HELZ2: variants seen among roughly 807,000 people sequenced by gnomAD.
The protein encoded by HELZ2 is 3'-5' exoribonuclease HELZ2.
In HELZ2, 143 loss-of-function variants were observed where a neutral mutation model predicts 208.8. That is an observed-to-expected ratio of 0.68 (90% confidence interval 0.60 to 0.79). The LOEUF (loss-of-function observed/expected upper bound fraction) is 0.79, where lower values mean the gene tolerates loss of function less well. HELZ2 is among the 30% of genes least tolerant of loss of function. The probability of loss-of-function intolerance (pLI) is 0.00; values close to 1 mark genes in which losing one functional copy is unlikely to be tolerated. For missense variants in HELZ2, 3,690 were observed against 3,794.5 expected, an observed-to-expected ratio of 0.97 and a Z score of 0.72; for synonymous variants, 1,705 against 1,693.7, an observed-to-expected ratio of 1.01 and a Z score of -0.16.
chr20:63,565,420 G>T (rs754907014), exon 8 of HELZ2: 1 of 1,611,020 alleles, frequency 6.2e-7, no homozygotes, highest in East Asian at 2.2e-5. Flanking sequence ...TCTCTGGCAC[G>T]AAAGAGCAGT....
At chr20:63,560,734 C>T (rs1281304807) in intron 15 of HELZ2, 37 bp from the exon 17 acceptor site, 9 of 1,604,132 alleles carry the variant, frequency 5.6e-6, no homozygotes, top group Non-Finnish European at 6.8e-6. Flanking sequence ...GAGGCTGCCA[C>T]GCGGGGTTGT....
At chr20:63,570,565 A>C in exon 3 of HELZ2, 1 of 1,613,338 alleles carries the variant, frequency 6.2e-7, no homozygotes, top group Non-Finnish European at 8.5e-7. Flanking sequence ...CTGGTACATC[A>C]GGGGCTGGTT....
rs781046725 is a variant in HELZ2, at chr20:63,562,149, T to A, written c.6452A>T (p.His2151Leu). 8 of 1,611,726 alleles carry A rather than the reference T, an allele frequency of 5.0e-6. No homozygotes were observed. The Admixed American group carries it at 1.0e-4, about 20-fold the overall frequency. Residue 2151 changes from histidine to leucine, a missense_variant, in exon 10 of 19, where the codon CAC (histidine) becomes CTC (leucine). By Grantham distance (99) the His-to-Leu change is moderately conservative (BLOSUM62 -3). Transcript: ENST00000467148. ...CACGTTCTGGCTGGGGTTCAGCTTG[T>A]GGCGGCCTCCGGGGATGTTGTAGGT...
chr20:63,564,504 G>C (rs763417578), exon 8 of HELZ2: 1 of 1,587,320 alleles, frequency 6.3e-7, no homozygotes, highest in African/African-American at 1.3e-5. Context: ...AGGCTCTTCA[G>C]CTGGCCACTG....
chr20:63,572,793 T>A (rs2083027974), upstream of HELZ2: 1 of 181,696 alleles, frequency 5.5e-6, no homozygotes, highest in Non-Finnish European at 1.1e-5. Context: ...TCCTCGCGAC[T>A]GCGGGCAAAG....
At chr20:63,568,928 G>A (rs754457736) in exon 5 of HELZ2, 11 of 1,608,822 alleles carry the variant, frequency 6.8e-6, no homozygotes, top group Non-Finnish European at 8.5e-6. Context: ...TGCTCCCGGA[G>A]GCGCGAAGAG....
chr20:63,559,287 C>T lies in HELZ2; in HGVS notation c.7909G>A (p.Gly2637Ser), dbSNP rs759174114. 7.1e-5 allele frequency: 113 copies of T among 1,591,660 alleles called. No individual in the cohort carries two copies. The highest frequency in any genetic ancestry group is 2.5e-4 in the East Asian group (11 of 44,152). Residue 2637 changes from glycine (G) to serine (S), a missense_variant, in exon 19 of 19, where the codon GGC (glycine) becomes AGC (serine). Physicochemically the swap from Gly to Ser is moderately conservative, Grantham distance 56. Coordinates refer to ENST00000467148, the Ensembl canonical transcript of HELZ2. ...GGCCTCCTGCAGACGCGCACCTGGC[C>T]GGCAGGCACGAGGGTCTGCTGAGCC...
exon 8 of HELZ2, chr20:63,565,111 G>C: frequency 6.4e-7 from 1 of 1,568,370 alleles, no homozygotes; most frequent in Non-Finnish European, 8.6e-7. Context: ...TGTAGATGGG[G>C]ACCTGCGATG....
chr20:63,569,840 T>C (rs1370053354), intron 3 of HELZ2, among the ~76,000 whole-genome samples, 175 bp from the exon 5 acceptor site: 1 of 152,232 alleles, frequency 6.6e-6, no homozygotes, highest in Admixed American at 6.5e-5. Context: ...CTGTGCTACA[T>C]GGGGGTGGCT....
intron 2 of HELZ2, 36 bp from the exon 4 acceptor site, chr20:63,570,647 A>ACGCCCCCCCC: frequency 2.0e-6 from 3 of 1,497,370 alleles, no homozygotes; most frequent in East Asian, 2.3e-5. Flanking sequence ...AGAGGCCTGG[A>ACGCCCCCCCC]CCCCACCCCA....
intron 1 of HELZ2, 128 bp from the exon 3 acceptor site, chr20:63,570,996 C>T: frequency 1.4e-6 from 1 of 718,550 alleles, no homozygotes; most frequent in Non-Finnish European, 2.3e-6. Context: ...CCACCCACTC[C>T]TGTGCTCCCG....
chr20:63,561,214 G>A, exon 14 of HELZ2: 1 of 1,612,966 alleles, frequency 6.2e-7, no homozygotes, highest in Non-Finnish European at 8.5e-7. Context: ...AGCAGGTGCA[G>A]AGGATGACCT....
At chr20:63,569,020 A>G (rs893279791) in intron 4 of HELZ2, 21 bp from the exon 6 acceptor site, 19 of 1,599,652 alleles carry the variant, frequency 1.2e-5, no homozygotes, top group Non-Finnish European at 1.6e-5. Flanking sequence ...GGCCTGGGTC[A>G]GCTCATGGGG....
chr20:63,560,338 G>T lies in HELZ2; in HGVS notation c.7501-11C>A, dbSNP rs200885040. 6.4e-7 allele frequency: 1 copy of T among 1,553,768 alleles called. No homozygotes were observed. Among genetic ancestry groups the T allele is most frequent in the Non-Finnish European group, 8.7e-7 (1 of 1,154,296 alleles). ...CTTGGTGATACGGACCTGAGGAGCC[G>T]AGGGGGCAGGTGGAGCGGACCCTGG... On this transcript the variant is annotated splice_polypyrimidine_tract_variant and intron_variant, in intron 16 of 18. Transcript: ENST00000467148.
In HELZ2 at chr20:63,560,974, G is replaced by A. The variant is rs996804029; in HGVS notation, c.7147-45C>T. ...TGGCCCTGACACCCCTAGACCCAGA[G>A]GGACCCCAGCCCCACACGACACCCG... On this transcript the variant is annotated intron_variant, in intron 14 of 18. Coordinates refer to ENST00000467148, the Ensembl canonical transcript of HELZ2. The A allele has an allele frequency of 3.1e-6, 5 of 1,603,626 alleles. No individual in the cohort carries two copies. The African/African-American group carries it at 6.7e-5, about 21-fold the overall frequency.
At chr20:63,565,948 T>C (rs2082951221) in exon 8 of HELZ2, 1 of 1,598,782 alleles carries the variant, frequency 6.3e-7, no homozygotes, top group Non-Finnish European at 8.5e-7. Flanking sequence ...GCCAGCGCCG[T>C]CTCTGCGCCA....
At chr20:63,566,047 G>C (rs1468457695) in exon 8 of HELZ2, 1 of 1,590,216 alleles carries the variant, frequency 6.3e-7, no homozygotes, top group Non-Finnish European at 8.5e-7. Context: ...CCCAGAGCTT[G>C]CCGCAGGCCC....
In HELZ2 at chr20:63,562,205, T is replaced by C. The variant is rs1260883683; in HGVS notation, c.6398-2A>G. ...GCTCCAGGAACCTGCTGGGGATCAC[T>C]GAGAGGGGGCAGCCTCCCTGAGCAC... On this transcript the variant is annotated splice_acceptor_variant, in intron 9 of 18. Coordinates refer to ENST00000467148, the Ensembl canonical transcript of HELZ2. LOFTEE classifies it high-confidence loss of function. The C allele has an allele frequency of 8.7e-6, 14 of 1,610,090 alleles. No homozygotes were observed. The highest frequency in any genetic ancestry group is 2.2e-5 in the East Asian group (1 of 44,808).
chr20:63,564,581 T>A (rs1301389985), exon 8 of HELZ2: 5 of 1,568,346 alleles, frequency 3.2e-6, no homozygotes, highest in Middle Eastern at 1.7e-4. Context: ...GCTGAGGACG[T>A]CCTGGCAGAG....
Sources: allele counts gnomAD v4.1 joint callset (sites outside exome capture counted in the v4.1 genomes callset), GRCh38; gene constraint gnomAD v4.1.1; transcripts MANE v1.5; gene names NCBI Gene and HGNC (gene_info 2026-07-23, HGNC 2026-07-21).